Variants in EXOC6 observed in about 807,000 individuals in gnomAD.
EXOC6 encodes the protein SEC15-like 1.
EXOC6 carries 60 observed loss-of-function variants against 112.5 expected under a neutral mutation model. The observed-to-expected ratio is 0.53, with a 90% confidence interval of 0.43 to 0.66. EXOC6 has a LOEUF of 0.66. Among genes scored for constraint, EXOC6 ranks in the 30% least tolerant of loss-of-function variants. The pLI is 0.00. For missense variants in EXOC6, 855 were observed against 957.1 expected (o/e 0.89, Z 1.41); for synonymous variants, 295 against 308.0 (o/e 0.96, Z 0.44).
chr10:92,915,316 C>T (rs1046146004), intron 6 of EXOC6, among the ~76,000 whole-genome samples: 2 of 151,814 alleles, frequency 1.3e-5, no homozygotes, highest in Non-Finnish European at 2.9e-5. Context: ...CTGGGGCAGG[C>T]GGATTGCTTG....
chr10:93,021,788 T>G (rs774959315), intron 20 of EXOC6, among the ~76,000 whole-genome samples: 1 of 152,256 alleles, frequency 6.6e-6, no homozygotes, highest in Non-Finnish European at 1.5e-5. Flanking sequence ...GGAGATGATT[T>G]GAGAATAATT....
intron 19 of EXOC6, among the ~76,000 whole-genome samples, chr10:93,011,014 G>T (rs929407273): frequency 6.6e-6 from 1 of 152,056 alleles, no homozygotes; most frequent in Non-Finnish European, 1.5e-5. Context: ...TTTTAATGTA[G>T]AAAAATTCTG....
At chr10:93,018,115 C>T (rs931900271) in intron 20 of EXOC6, among the ~76,000 whole-genome samples, 39 of 151,950 alleles carry the variant, frequency 2.6e-4, no homozygotes, top group East Asian at 3.9e-4. Flanking sequence ...TCACACCCCC[C>T]TATATGTAAA....
chr10:92,893,031 C>T (rs1849583995), intron 1 of EXOC6, among the ~76,000 whole-genome samples: 1 of 152,158 alleles, frequency 6.6e-6, no homozygotes, highest in Non-Finnish European at 1.5e-5. Flanking sequence ...TTCATTCATT[C>T]TTTAACCATT....
chr10:92,846,209 G>T (rs532690425), upstream of EXOC6, among the ~76,000 whole-genome samples: 7 of 152,358 alleles, frequency 4.6e-5, no homozygotes, highest in South Asian at 6.2e-4. Context: ...AGCAGGGCTG[G>T]TTTCCCAGAG....
At chr10:93,028,834 CA>C (rs59650538) in intron 20 of EXOC6, among the ~76,000 whole-genome samples, 3,733 of 79,092 alleles carry the variant, frequency 0.047, 39 homozygotes, top group African/African-American at 0.085. Flanking sequence ...AACTCCATCT[CA>C]AAAAAAAAAA....
intron 17 of EXOC6, 97 bp from the exon 18 acceptor site, chr10:92,973,956 T>C (rs1842398795): frequency 9.3e-7 from 1 of 1,073,464 alleles, no homozygotes; most frequent in Non-Finnish European, 1.3e-6. Context: ...GGCTAAAATA[T>C]TAAACCAAAG....
intron 18 of EXOC6, among the ~76,000 whole-genome samples, chr10:92,990,168 T>G (rs1843171279): frequency 1.3e-5 from 2 of 152,200 alleles, no homozygotes; most frequent in African/African-American, 4.8e-5. Flanking sequence ...AAACAGTTGA[T>G]TTTCACTACT....
At chr10:93,039,550 T>C (rs1035491126) in intron 20 of EXOC6, among the ~76,000 whole-genome samples, 1 of 152,206 alleles carries the variant, frequency 6.6e-6, no homozygotes, top group African/African-American at 2.4e-5. Flanking sequence ...CTCTTCCCTT[T>C]TGAAAATCTC....
intron 20 of EXOC6, among the ~76,000 whole-genome samples, chr10:93,040,589 C>T (rs1051586147): frequency 2.6e-5 from 4 of 152,192 alleles, no homozygotes; most frequent in Admixed American, 6.5e-5. Context: ...TAGCTATTTC[C>T]AATTTCTCTT....
intron 1 of EXOC6, among the ~76,000 whole-genome samples, chr10:92,843,007 C>A (rs1023369626): frequency 6.6e-6 from 1 of 152,134 alleles, no homozygotes; most frequent in Non-Finnish European, 1.5e-5. Context: ...AATACATGAA[C>A]ATGGTACACA....
chr10:92,894,930 G>T lies in EXOC6; in HGVS notation c.322G>T (p.Val108Leu). 1 of 1,609,702 alleles carries T rather than the reference G, an allele frequency of 6.2e-7. No homozygotes were observed. The highest frequency in any genetic ancestry group is 1.1e-5 in the South Asian group (1 of 90,944). ...NRRFQDAGKEVIVHTEDIIRC... is the reference protein window; with the variant it reads ...NRRFQDAGKELIVHTEDIIRC... ...ATATGAACATTCCTTCTTTTCTAAG[G>T]TGATAGTCCACACAGAAGATATCAT... Residue 108 changes from valine (V) to leucine (L), a missense_variant and splice_region_variant, in exon 4 of 22, where the codon GTG (valine) becomes TTG (leucine). Physicochemically the swap from Val to Leu is conservative, Grantham distance 32 (BLOSUM62 1). Coordinates refer to ENST00000260762, the MANE Select transcript of EXOC6 (RefSeq NM_019053.6).
chr10:93,022,990 CT>C (rs768020281), intron 20 of EXOC6, among the ~76,000 whole-genome samples: 7,539 of 123,810 alleles, frequency 0.061, 402 homozygotes, highest in African/African-American at 0.16. Context: ...ACTTTTCCTT[CT>C]TTTTTTTTTT....
At chr10:92,958,083 G>A (rs1330320908) in intron 17 of EXOC6, among the ~76,000 whole-genome samples, 1 of 152,130 alleles carries the variant, frequency 6.6e-6, no homozygotes, top group Non-Finnish European at 1.5e-5. Flanking sequence ...AAGTATTTAT[G>A]TTATGAAATA....
At position 93,003,997 on chromosome 10, in the gene EXOC6, A is replaced by G. The variant is rs186059510; in HGVS notation, c.2095+6382A>G. Among the ~76,000 whole-genome samples, 57 of 152,322 alleles carry G rather than the reference A, an allele frequency of 3.7e-4. 2 individuals carry two copies. The highest frequency in any genetic ancestry group is 4.4e-5 in the Non-Finnish European group (3 of 68,010). On this transcript the variant is annotated intron_variant, in intron 19 of 21. Transcript: ENST00000260762. ...TTTAATTAGGACCATGACATGATTA[A>G]ATCTGTGTCATAGAATGTTAACTCT...
chr10:92,965,776 A>G (rs1415703561), intron 17 of EXOC6, among the ~76,000 whole-genome samples: 2 of 152,172 alleles, frequency 1.3e-5, no homozygotes, highest in Non-Finnish European at 2.9e-5. Flanking sequence ...AAATATAGTG[A>G]GCCAGTTCAT....
At chr10:92,863,759 A>G (rs1055864382) in intron 1 of EXOC6, among the ~76,000 whole-genome samples, 1 of 151,866 alleles carries the variant, frequency 6.6e-6, no homozygotes, top group Non-Finnish European at 1.5e-5. Context: ...AAAAATACAA[A>G]AAAAAATTAG....
chr10:92,993,324 G>A (rs1028094602), intron 18 of EXOC6, among the ~76,000 whole-genome samples: 1 of 152,034 alleles, frequency 6.6e-6, no homozygotes, highest in Non-Finnish European at 1.5e-5. Context: ...AAAGAAAAAT[G>A]GACTCTCCTG....
intron 18 of EXOC6, among the ~76,000 whole-genome samples, chr10:92,981,263 T>C (rs1400070528): frequency 1.3e-5 from 2 of 152,216 alleles, no homozygotes; most frequent in African/African-American, 2.4e-5. Context: ...CTTGGACATA[T>C]CTTGTTATTC....
Sources: allele counts gnomAD v4.1 joint callset (sites outside exome capture counted in the v4.1 genomes callset), GRCh38; gene constraint gnomAD v4.1.1; transcripts MANE v1.5; gene names NCBI Gene and HGNC (gene_info 2026-07-23, HGNC 2026-07-21).